The following MAGI2 variants were observed in gnomAD, a reference collection of about 807,000 sequenced individuals.
MAGI2 encodes the protein membrane associated guanylate kinase, WW and PDZ domain containing 2, also known as membrane-associated guanylate kinase, WW and PDZ domain-containing protein 2.
MAGI2 carries 35 observed loss-of-function variants against 133.3 expected under a neutral mutation model. The observed-to-expected ratio is 0.26, with a 90% confidence interval of 0.20 to 0.35. MAGI2 has a LOEUF of 0.35. Ranked by LOEUF, MAGI2 falls within the 10% of genes least tolerant of loss-of-function variation. MAGI2 has a pLI of 1.00. For synonymous variants in MAGI2, 729 were observed against 710.6 expected (o/e 1.03, Z -0.41); for missense variants, 1,636 against 1,863.4 (o/e 0.88, Z 2.25).
At chr7:78,973,201 T>G (rs1251886905) in intron 2 of MAGI2, among the ~76,000 whole-genome samples, 1 of 151,938 alleles carries the variant, frequency 6.6e-6, no homozygotes, top group Non-Finnish European at 1.5e-5. Context: ...GAAGCACATT[T>G]TCCACTCCAT....
intron 1 of MAGI2, among the ~76,000 whole-genome samples, chr7:79,397,328 TTAAA>T (rs1469626109): frequency 2.6e-5 from 4 of 151,762 alleles, no homozygotes; most frequent in Non-Finnish European, 5.9e-5. Context: ...TTTCATGTCA[TTAAA>T]TAATCTACAC....
chr7:78,100,840 T>C (rs945681748), intron 20 of MAGI2, among the ~76,000 whole-genome samples: 1 of 152,152 alleles, frequency 6.6e-6, no homozygotes, highest in Non-Finnish European at 1.5e-5. Context: ...AGAACTAATA[T>C]GTGAATTCAG....
At chr7:79,256,716 T>G (rs1005364335) in intron 1 of MAGI2, among the ~76,000 whole-genome samples, 39 of 152,092 alleles carry the variant, frequency 2.6e-4, no homozygotes, top group African/African-American at 8.4e-4. Context: ...GTCTCAAACT[T>G]CTGGGCTCAA....
At chr7:78,663,258 G>A (rs1375711119) in intron 2 of MAGI2, among the ~76,000 whole-genome samples, 1 of 142,688 alleles carries the variant, frequency 7.0e-6, no homozygotes, top group Non-Finnish European at 1.5e-5. Flanking sequence ...CCAAGCTGGA[G>A]TGCAGTGGCC....
intron 1 of MAGI2, among the ~76,000 whole-genome samples, chr7:79,361,405 G>T (rs1449273386): frequency 6.6e-6 from 1 of 152,014 alleles, no homozygotes; most frequent in Admixed American, 6.6e-5. Flanking sequence ...GTAGAGGAGG[G>T]CCCCCTACTG....
chr7:78,193,762 T>A (rs1351138339), intron 12 of MAGI2, among the ~76,000 whole-genome samples: 1 of 150,232 alleles, frequency 6.7e-6, no homozygotes, highest in Non-Finnish European at 1.5e-5. Flanking sequence ...AAAAAAAAAG[T>A]ATATGTGGGT....
intron 1 of MAGI2, among the ~76,000 whole-genome samples, chr7:79,115,255 G>C (rs1300422619): frequency 6.6e-6 from 1 of 152,098 alleles, no homozygotes. Flanking sequence ...GAAAGGGAAA[G>C]GAATATTCAC....
intron 3 of MAGI2, among the ~76,000 whole-genome samples, chr7:78,597,376 G>C (rs1006700653): frequency 1.6e-4 from 3 of 19,176 alleles, no homozygotes; most frequent in South Asian, 1.2e-3. Context: ...GAATTCCTTG[G>C]GGGGGGGGGT....
At chr7:78,582,810 G>A (rs6949875) in intron 3 of MAGI2, among the ~76,000 whole-genome samples, 120,455 of 152,172 alleles carry the variant, frequency 0.79, 47,877 homozygotes, top group East Asian at 0.91. Context: ...GTTTTGGAAG[G>A]GGAATAGAAA....
chr7:78,775,185 C>T (rs931549400), intron 2 of MAGI2, among the ~76,000 whole-genome samples: 34 of 151,522 alleles, frequency 2.2e-4, no homozygotes, highest in Middle Eastern at 3.4e-3. Flanking sequence ...TGGTGGCAGG[C>T]GCCTGTAGTC....
At chr7:78,568,387 G>A (rs888474719) in intron 3 of MAGI2, 3 of 152,178 alleles carry the variant, frequency 2.0e-5, no homozygotes, top group Non-Finnish European at 4.4e-5. Flanking sequence ...GTCATCTCAA[G>A]CTTTGCATGC....
chr7:79,111,987 A>T (rs1818968561), intron 1 of MAGI2, among the ~76,000 whole-genome samples: 1 of 152,072 alleles, frequency 6.6e-6, no homozygotes, highest in Non-Finnish European at 1.5e-5. Flanking sequence ...TTTTAACTCC[A>T]GTGTTTCTGA....
intron 6 of MAGI2, among the ~76,000 whole-genome samples, chr7:78,379,710 A>G (rs1293612762): frequency 6.6e-6 from 1 of 152,004 alleles, no homozygotes; most frequent in Non-Finnish European, 1.5e-5. Context: ...CTTTCCATCC[A>G]TCTTTCTCTT....
intron 20 of MAGI2, among the ~76,000 whole-genome samples, chr7:78,091,108 A>T (rs1817164576): frequency 6.6e-6 from 1 of 151,910 alleles, no homozygotes; most frequent in African/African-American, 2.4e-5. Context: ...TGAATAAGAG[A>T]CAGAATGATC....
chr7:78,574,972 A>T (rs1443927614), intron 3 of MAGI2, among the ~76,000 whole-genome samples: 3 of 152,094 alleles, frequency 2.0e-5, no homozygotes, highest in African/African-American at 7.2e-5. Flanking sequence ...CATCTCCCTA[A>T]CTTCTTAGCC....
intron 2 of MAGI2, among the ~76,000 whole-genome samples, chr7:78,925,785 TAA>T (rs1799646604): frequency 2.0e-5 from 3 of 152,050 alleles, no homozygotes. Context: ...ATTATTTAAA[TAA>T]ATTAGTAAAT....
intron 9 of MAGI2, among the ~76,000 whole-genome samples, chr7:78,267,102 G>T (rs1794097753): frequency 6.6e-6 from 1 of 152,152 alleles, no homozygotes; most frequent in Admixed American, 6.5e-5. Flanking sequence ...TCTGACTAGT[G>T]CTTCAATTGC....
chr7:79,433,180 T>C (rs1325392600), intron 1 of MAGI2, among the ~76,000 whole-genome samples: 1 of 152,048 alleles, frequency 6.6e-6, no homozygotes, highest in African/African-American at 2.4e-5. Context: ...AGTTATGAGG[T>C]GGGCTAGCGA....
At chr7:79,401,751 G>A (rs895746669) in intron 1 of MAGI2, among the ~76,000 whole-genome samples, 1 of 151,936 alleles carries the variant, frequency 6.6e-6, no homozygotes, top group Non-Finnish European at 1.5e-5. Flanking sequence ...CACCTATATA[G>A]AAACAATAAT....
Sources: allele counts gnomAD v4.1 joint callset (sites outside exome capture counted in the v4.1 genomes callset), GRCh38; gene constraint gnomAD v4.1.1; transcripts MANE v1.5; gene names NCBI Gene and HGNC (gene_info 2026-07-23, HGNC 2026-07-21).